The following DYSF variants were observed in gnomAD, a reference collection of about 807,000 sequenced individuals.
DYSF encodes the protein dysferlin.
In DYSF, 212 loss-of-function variants were observed where a neutral mutation model predicts 274.9. The observed-to-expected ratio is 0.77, with a 90% CI of 0.69 to 0.86. The LOEUF (loss-of-function observed/expected upper bound fraction) is 0.86, where lower values mean the gene tolerates loss of function less well. Among genes scored for constraint, DYSF ranks in the 40% least tolerant of loss-of-function variants. The pLI, the probability that DYSF is intolerant of heterozygous loss-of-function variation, is 0.00. For missense variants in DYSF, 2,666 were observed against 2,783.2 expected, an observed-to-expected ratio of 0.96 and a Z score of 0.95; for synonymous variants, 1,091 against 1,078.7, an observed-to-expected ratio of 1.01 and a Z score of -0.22.
chr2:71,686,711 C>T lies in DYSF; in HGVS notation c.*219C>T, dbSNP rs574741153. 1.5e-4 allele frequency: 90 copies of T among 616,142 alleles called. No individual in the cohort carries two copies. The highest frequency in any genetic ancestry group is 3.5e-4 in the South Asian group (19 of 53,674). 38.2% of individuals were successfully genotyped at this position (616,142 alleles called of 1,614,324 possible). On this transcript the variant is annotated 3_prime_UTR_variant, in exon 56 of 56. Coordinates refer to ENST00000410020, the MANE Select transcript of DYSF (RefSeq NM_001130987.2). ...ATCATTTCCTTCTCCCCCAACCCAACGCTTTTTTGGATCAGCTCAGACATA... is the reference window on the plus strand; with the variant it reads ...ATCATTTCCTTCTCCCCCAACCCAATGCTTTTTTGGATCAGCTCAGACATA...
intron 30 of DYSF, among the ~76,000 whole-genome samples, chr2:71,585,125 G>C (rs558799027): frequency 6.6e-6 from 1 of 152,240 alleles, no homozygotes; most frequent in Non-Finnish European, 1.5e-5. Context: ...TCTAGTGATC[G>C]TAACTCAGTG....
chr2:71,570,621 C>T lies in DYSF; in HGVS notation c.3108C>T (p.Ile1036=), dbSNP rs368033221. 3.1e-6 allele frequency: 5 copies of T among 1,613,808 alleles called. No individual in the cohort carries two copies. The highest frequency in any genetic ancestry group is 3.3e-5 in the Admixed American group (2 of 59,978). Residue 1036 remains isoleucine, a synonymous_variant, in exon 29 of 56, where the codon ATC becomes ATT. Transcript: ENST00000410020. ...CAGGCTGGGAGTATAGCATCACCAT[C>T]CCCCCGGAGCGGAAGCCGAAGCACT... is the stretch of plus-strand genomic sequence containing the variant. The part of the protein sequence containing the change: ...DEQGWEYSIT[I]PPERKPKHWV...
chr2:71,654,060 C>T (rs534643079), intron 42 of DYSF, among the ~76,000 whole-genome samples: 1 of 152,222 alleles, frequency 6.6e-6, no homozygotes, highest in Non-Finnish European at 1.5e-5. Context: ...CAAATCACCA[C>T]AGAACAGAAA....
intron 10 of DYSF, among the ~76,000 whole-genome samples, chr2:71,519,843 A>G (rs1301364851): frequency 1.2e-5 from 1 of 84,504 alleles, no homozygotes; most frequent in East Asian, 4.0e-4. Flanking sequence ...TTGTATTTTT[A>G]ATAGAGATGG....
At position 71,535,081 on chromosome 2, in the gene DYSF, C is replaced by A. The variant is rs1281996108; in HGVS notation, c.1441C>A (p.Pro481Thr). 7.4e-6 allele frequency: 12 copies of A among 1,614,026 alleles called. No homozygotes were observed. Among genetic ancestry groups the A allele is most frequent in the Non-Finnish European group, 1.0e-5 (12 of 1,180,010 alleles). Residue 481 changes from proline to threonine, a missense_variant, in exon 15 of 56, where the codon CCT (proline) becomes ACT (threonine). By Grantham distance (38) the Pro-to-Thr change is conservative. This residue lies in a region of DYSF where 794 missense variants were observed against 777.1 expected (regional missense o/e 1.02). Coordinates refer to ENST00000410020, the MANE Select transcript of DYSF (RefSeq NM_001130987.2). ...NPQWNQNITL[P>T]AMFPSMCEKM... is the part of the protein sequence containing the mutation. ...TCAGTGGAACCAGAACATCACACTG[C>A]CTGCCATGGTGAGCCTCCTGCCCCC...
chr2:71,683,439 T>A (rs1392362172), intron 55 of DYSF, among the ~76,000 whole-genome samples: 2 of 152,210 alleles, frequency 1.3e-5, no homozygotes, highest in East Asian at 1.9e-4. Context: ...TCCCCCAGTG[T>A]CTCTGATACT....
chr2:71,665,130 C>T (rs1488967503), intron 46 of DYSF, 32 bp from the exon 47 acceptor site: 2 of 1,612,556 alleles, frequency 1.2e-6, no homozygotes, highest in East Asian at 4.5e-5. Context: ...GTCCTTGAAG[C>T]ATCTCATCTA....
At chr2:71,561,637 C>A in intron 22 of DYSF, 115 bp from the exon 23 acceptor site, 3 of 1,274,566 alleles carry the variant, frequency 2.4e-6, no homozygotes, top group Non-Finnish European at 3.4e-6. Context: ...GAGAAGGCAC[C>A]CAGCAGGCAG....
In DYSF at chr2:71,526,324, C is replaced by A. The variant is rs934638638; in HGVS notation, c.1254C>A (p.Phe418Leu). The A allele has an allele frequency of 3.7e-6, 6 of 1,613,174 alleles. No homozygotes were observed. The African/African-American group carries it at 6.7e-5, about 18-fold the overall frequency. ...GAGCCCACTTCTGCCTGAAGGTCTT[C>A]CGGGCCGAGGACTTGCCGCAGAGTG... is the stretch of plus-strand genomic sequence containing the variant. ...LRGAHFCLKV[F>L]RAEDLPQMDD... Residue 418 changes from phenylalanine (F) to leucine (L), a missense_variant, in exon 13 of 56, where the codon TTC (phenylalanine) becomes TTA (leucine). Physicochemically the swap from Phe to Leu is conservative, Grantham distance 22 (BLOSUM62 0). Around this residue, in one of 3 missense-constraint regions of DYSF, gnomAD observed 794 missense variants for 777.1 expected, o/e 1.02. Coordinates refer to ENST00000410020, the MANE Select transcript of DYSF (RefSeq NM_001130987.2).
chr2:71,616,746 A>G (rs1393780173), intron 40 of DYSF, among the ~76,000 whole-genome samples: 3 of 152,200 alleles, frequency 2.0e-5, no homozygotes, highest in Non-Finnish European at 4.4e-5. Context: ...TAGAAAAATA[A>G]TGAAAAAATA....
intron 3 of DYSF, among the ~76,000 whole-genome samples, chr2:71,492,678 A>C: frequency 6.8e-6 from 1 of 145,988 alleles, no homozygotes; most frequent in Non-Finnish European, 1.5e-5. Flanking sequence ...TATTATACTT[A>C]TTATTATTAT....
At chr2:71,622,135 T>TTTTTTTTTTTTTTTTTTTTTTTTG (rs1558651860) in intron 41 of DYSF, among the ~76,000 whole-genome samples, 2 of 138,610 alleles carry the variant, frequency 1.4e-5, no homozygotes, top group African/African-American at 2.5e-5. Flanking sequence ...TCTTTGTTTT[T>TTTTTTTTTTTTTTTTTTTTTTTTG]TTTTTTTTTT....
chr2:71,469,774 A>G (rs1281341882), intron 1 of DYSF, among the ~76,000 whole-genome samples: 1 of 152,230 alleles, frequency 6.6e-6, no homozygotes, highest in African/African-American at 2.4e-5. Context: ...TTCATTAACT[A>G]AAACTACCAT....
Position 71,516,324 on chromosome 2 carries a change from A to G in DYSF, c.951+82A>G, listed in dbSNP as rs11887692. On this transcript the variant is annotated intron_variant, in intron 9 of 55. Coordinates refer to ENST00000410020, the MANE Select transcript of DYSF (RefSeq NM_001130987.2). ...AGTGCACACGCGTGTGTGTTTGTGCACGTGTGTGCATGTGCACGTCAGTGT... is the reference window on the plus strand; with the variant it reads ...AGTGCACACGCGTGTGTGTTTGTGCGCGTGTGTGCATGTGCACGTCAGTGT... 0.048 allele frequency: 65,976 copies of G among 1,374,382 alleles called. 1,950 individuals carry two copies. Among genetic ancestry groups the G allele is most frequent in the African/African-American group, 0.11 (7,827 of 70,196 alleles). The allele number at this position is 1,374,382 out of a possible 1,614,324, so 85.1% of individuals were successfully genotyped here. A position where few individuals can be genotyped will look rare whatever the true frequency, so the allele number is the denominator to read the frequency against.
chr2:71,470,781 CTTCA>C lies in DYSF; in HGVS notation c.91+3852_91+3855del, dbSNP rs1291198942. On this transcript the variant is annotated intron_variant, in intron 1 of 55. Coordinates refer to ENST00000410020, the MANE Select transcript of DYSF (RefSeq NM_001130987.2). ...CCTTCCTTCCTTCCTTCCTTCCTTC[CTTCA>C]TTCCTTCCTTCTTTTTTTTTTTTGA... Among the ~76,000 whole-genome samples the C allele has an allele frequency of 1.9e-3, 196 of 103,912 alleles. 4 individuals carry two copies. The highest frequency in any genetic ancestry group is 2.0e-3 in the African/African-American group (51 of 25,972). 68.2% of individuals were successfully genotyped at this position (103,912 alleles called of 152,430 possible).
intron 14 of DYSF, among the ~76,000 whole-genome samples, chr2:71,533,783 A>T (rs2089006741): frequency 6.6e-6 from 1 of 152,216 alleles, no homozygotes; most frequent in African/African-American, 2.4e-5. Flanking sequence ...GGTCTATCAG[A>T]CTTTAGAGAT....
chr2:71,487,361 T>C (rs540915755), intron 3 of DYSF, among the ~76,000 whole-genome samples: 1 of 151,266 alleles, frequency 6.6e-6, no homozygotes, highest in Non-Finnish European at 1.5e-5. Flanking sequence ...AAAAAAAAAA[T>C]AAGTGTCTGA....
intron 26 of DYSF, among the ~76,000 whole-genome samples, chr2:71,569,077 T>C (rs2092282465): frequency 1.3e-5 from 2 of 152,080 alleles, no homozygotes; most frequent in Non-Finnish European, 2.9e-5. Context: ...GGTTTCACCA[T>C]GTTAGCCAGG....
chr2:71,672,867 C>T (rs528542239), intron 51 of DYSF, among the ~76,000 whole-genome samples: 3 of 152,338 alleles, frequency 2.0e-5, no homozygotes, highest in South Asian at 4.1e-4. Flanking sequence ...AGGTGAGGGG[C>T]CAGCTGGAGA....
Sources: allele counts gnomAD v4.1 joint callset (sites outside exome capture counted in the v4.1 genomes callset), GRCh38; gene constraint gnomAD v4.1.1; regional missense constraint gnomAD v4.1.1; transcripts MANE v1.5; gene names NCBI Gene and HGNC (gene_info 2026-07-23, HGNC 2026-07-21).